Variants in ZNF469 observed in about 807,000 individuals in gnomAD.
ZNF469 encodes the protein zinc finger protein 469.
ZNF469 carries 1 observed loss-of-function variant against 1.0 expected under a neutral mutation model. The ratio of observed to expected loss-of-function variants is 1.00; its 90% CI spans 0.35 to 4.73. The LOEUF (loss-of-function observed/expected upper bound fraction) is 4.73. Among genes scored for constraint, ZNF469 ranks in the 30% most tolerant of loss-of-function variants. The pLI, the probability that ZNF469 is intolerant of heterozygous loss-of-function variation, is 0.16. For missense variants in ZNF469, 6,100 were observed against 5,356.3 expected, an observed-to-expected ratio of 1.14 and a Z score of -4.33; for synonymous variants, 2,703 against 2,363.4, an observed-to-expected ratio of 1.14 and a Z score of -4.17.
At chr16:88,284,164 TGGTAGACCCCCAGTGACCGAGGTCAGC>T in the ZNF469 span, among the ~76,000 whole-genome samples, 2 of 151,778 alleles carry the variant, frequency 1.3e-5, no homozygotes, top group East Asian at 1.9e-4. Context: ...CTGCGGAGGC[TGGTAGACCCCCAGTGACCGAGGTCAGC>T]GGAGGCTGGT....
At chr16:88,190,226 T>G in the ZNF469 span, among the ~76,000 whole-genome samples, 1 of 152,224 alleles carries the variant, frequency 6.6e-6, no homozygotes. Flanking sequence ...TTTTGATTGT[T>G]GTAAACTCAC....
At chr16:88,366,900 CCAAGACCATCATCATCAT>C in the ZNF469 span, among the ~76,000 whole-genome samples, 1 of 152,096 alleles carries the variant, frequency 6.6e-6, no homozygotes, top group Non-Finnish European at 1.5e-5. Context: ...GTCATCATCA[CCAAGACCATCATCATCAT>C]CAAGACCATC....
the ZNF469 span, among the ~76,000 whole-genome samples, chr16:88,321,607 G>T: frequency 6.6e-6 from 1 of 152,098 alleles, no homozygotes; most frequent in African/African-American, 2.4e-5. Context: ...TGATTGGTGT[G>T]GCCTCAGATT....
the ZNF469 span, among the ~76,000 whole-genome samples, chr16:88,246,113 C>G: frequency 6.6e-6 from 1 of 151,952 alleles, no homozygotes; most frequent in Non-Finnish European, 1.5e-5. Flanking sequence ...GGGCCTCATT[C>G]ATTTATTCTT....
At chr16:88,401,213 C>T (rs1490377398) in intron 1 of ZNF469, among the ~76,000 whole-genome samples, 1 of 152,212 alleles carries the variant, frequency 6.6e-6, no homozygotes, top group Non-Finnish European at 1.5e-5. Flanking sequence ...CTTCTCCCAG[C>T]ATTGGGGTAT....
intron 1 of ZNF469, among the ~76,000 whole-genome samples, chr16:88,392,825 C>G (rs1904527314): frequency 6.6e-6 from 1 of 152,240 alleles, no homozygotes; most frequent in Non-Finnish European, 1.5e-5. Flanking sequence ...CCTGCCTTTC[C>G]TCTGAGAAGG....
chr16:88,134,250 G>A, the ZNF469 span, among the ~76,000 whole-genome samples: 66 of 152,274 alleles, frequency 4.3e-4, no homozygotes, highest in Admixed American at 1.2e-3. Context: ...GGTATTTTGG[G>A]GCCATCCTTC....
At chr16:88,191,930 T>A in the ZNF469 span, among the ~76,000 whole-genome samples, 1 of 152,164 alleles carries the variant, frequency 6.6e-6, no homozygotes, top group Admixed American at 6.5e-5. Flanking sequence ...TATATTGAAG[T>A]CCTAACACCC....
At chr16:88,334,520 A>G in the ZNF469 span, among the ~76,000 whole-genome samples, 7 of 152,294 alleles carry the variant, frequency 4.6e-5, no homozygotes, top group East Asian at 5.8e-4. Context: ...GGTTAGGGAT[A>G]CTCAACCTGT....
Position 88,430,277 on chromosome 16 carries a change from C to T in ZNF469, c.2807C>T (p.Ala936Val), listed in dbSNP as rs917402431. ...TRSLGLAPTE[A>V]DAPSQGRQQR... ...TCCCTGGGTCTGGCCCCCACCGAGGCGGATGCGCCCAGCCAGGGCAGGCAG... is the reference window on the plus strand; with the variant it reads ...TCCCTGGGTCTGGCCCCCACCGAGGTGGATGCGCCCAGCCAGGGCAGGCAG... The change falls in exon 3 of 3, where the codon GCG (alanine) becomes GTG (valine). Residue 936 changes from alanine to valine, a missense_variant. Coordinates refer to ENST00000565624, the MANE Select transcript of ZNF469 (RefSeq NM_001367624.2). 11 of 1,514,554 alleles carry T rather than the reference C, an allele frequency of 7.3e-6. No individual in the cohort carries two copies. The highest frequency in any genetic ancestry group is 9.7e-6 in the Non-Finnish European group (11 of 1,133,062). The allele number at this position is 1,514,554 out of a possible 1,614,324, so 93.8% of individuals were successfully genotyped here.
chr16:88,372,452 TCAC>T, the ZNF469 span, among the ~76,000 whole-genome samples: 1 of 145,876 alleles, frequency 6.9e-6, no homozygotes, highest in African/African-American at 2.6e-5. Flanking sequence ...ATCACCATCA[TCAC>T]CATCACTACC....
At chr16:88,317,496 G>A in the ZNF469 span, among the ~76,000 whole-genome samples, 2 of 152,208 alleles carry the variant, frequency 1.3e-5, no homozygotes, top group African/African-American at 4.8e-5. Context: ...AGGGCCACGG[G>A]CCTGTGGTCC....
chr16:88,428,352 G>A lies in ZNF469; in HGVS notation c.882G>A (p.Gly294=). 3.9e-6 allele frequency: 6 copies of A among 1,549,250 alleles called. No individual in the cohort carries two copies. Among genetic ancestry groups the A allele is most frequent in the Non-Finnish European group, 4.4e-6 (5 of 1,146,916 alleles). Residue 294 remains glycine, a synonymous_variant, in exon 3 of 3, where the codon GGG becomes GGA. Coordinates refer to ENST00000565624, the MANE Select transcript of ZNF469 (RefSeq NM_001367624.2). ...AACCCTTCCCTGCGGATGTGGCTGG[G>A]CACGCATTCACCAATGGGCCACTGG... ...STKPFPADVA[G]HAFTNGPLVF...
the ZNF469 span, among the ~76,000 whole-genome samples, chr16:88,169,632 G>A: frequency 2.0e-5 from 3 of 152,242 alleles, no homozygotes; most frequent in Non-Finnish European, 4.4e-5. The surrounding 1 kb of genome is among the most constrained non-coding windows in gnomAD (Gnocchi z 6.1). Context: ...GCTGATTCCG[G>A]GTCTGCCAAC....
chr16:88,126,664 T>G, the ZNF469 span, among the ~76,000 whole-genome samples: 1 of 147,134 alleles, frequency 6.8e-6, no homozygotes. Context: ...TTGTTTTTTG[T>G]TTTTTTTGAG....
At chr16:88,278,638 G>A in the ZNF469 span, among the ~76,000 whole-genome samples, 3 of 134,100 alleles carry the variant, frequency 2.2e-5, no homozygotes, top group Non-Finnish European at 3.3e-5. Context: ...TCAGTGCACG[G>A]TTAGTGCTGC....
intron 1 of ZNF469, among the ~76,000 whole-genome samples, chr16:88,401,742 G>A (rs1352121567): frequency 1.3e-5 from 2 of 150,982 alleles, no homozygotes; most frequent in Non-Finnish European, 3.0e-5. Flanking sequence ...TGGATGGATG[G>A]GTGATTGGAT....
chr16:88,149,222 C>T, the ZNF469 span, among the ~76,000 whole-genome samples: 1 of 152,212 alleles, frequency 6.6e-6, no homozygotes, highest in Admixed American at 6.5e-5. Context: ...AGGCCCGCTT[C>T]TTTGTGCTCT....
chr16:88,195,214 T>G, the ZNF469 span: 1 of 152,196 alleles, frequency 6.6e-6, no homozygotes, highest in African/African-American at 2.4e-5. Context: ...GGAACGTGCC[T>G]TCAGATGAGC....
Sources: allele counts gnomAD v4.1 joint callset (sites outside exome capture counted in the v4.1 genomes callset), GRCh38; gene constraint gnomAD v4.1.1; non-coding constraint Gnocchi (gnomAD v3.1); transcripts MANE v1.5; gene names NCBI Gene and HGNC (gene_info 2026-07-23, HGNC 2026-07-21).